PIBF1: variants seen among roughly 807,000 people sequenced by gnomAD.
PIBF1 encodes progesterone immunomodulatory binding factor 1.
In PIBF1, 90 loss-of-function variants were observed where a neutral mutation model predicts 112.5. The ratio of observed to expected loss-of-function variants is 0.80; its 90% CI spans 0.67 to 0.95. The LOEUF (loss-of-function observed/expected upper bound fraction) is 0.95, where lower values mean the gene tolerates loss of function less well. Among genes scored for constraint, PIBF1 ranks in the 40% least tolerant of loss-of-function variants. The pLI, the probability that PIBF1 is intolerant of heterozygous loss-of-function variation, is 0.00. For missense variants in PIBF1, 915 were observed against 852.3 expected (o/e 1.07, Z -0.92); for synonymous variants, 301 against 288.6 (o/e 1.04, Z -0.44).
At chr13:72,812,456 G>C (rs9592870) in intron 5 of PIBF1, among the ~76,000 whole-genome samples, 4,082 of 152,168 alleles carry the variant, frequency 0.027, 73 homozygotes, top group Non-Finnish European at 0.041. Flanking sequence ...AACTGTCCAG[G>C]CACAGTGGCT....
intron 10 of PIBF1, among the ~76,000 whole-genome samples, chr13:72,855,156 A>G (rs2038358925): frequency 6.6e-6 from 1 of 152,138 alleles, no homozygotes; most frequent in African/African-American, 2.4e-5. Flanking sequence ...GGGTCTTTTA[A>G]TTGTTAAATG....
At chr13:72,804,489 G>GGGCTGTCTGTGACATTCCTTCCCATTA (rs2138019935) in intron 5 of PIBF1, among the ~76,000 whole-genome samples, 1 of 152,264 alleles carries the variant, frequency 6.6e-6, no homozygotes, top group South Asian at 2.1e-4. Context: ...CATTCTTCTT[G>GGGCTGTCTGTGACATTCCTTCCCATTA]GGCTGTCTGT....
chr13:72,898,058 A>G (rs1254698166), intron 11 of PIBF1, among the ~76,000 whole-genome samples: 1 of 152,212 alleles, frequency 6.6e-6, no homozygotes, highest in East Asian at 1.9e-4. Flanking sequence ...ACCATCTGAT[A>G]GGCCATAAAA....
intron 10 of PIBF1, among the ~76,000 whole-genome samples, chr13:72,886,483 A>T (rs1473841679): frequency 6.6e-6 from 1 of 150,696 alleles, no homozygotes; most frequent in African/African-American, 2.4e-5. Context: ...GTTTCACTCT[A>T]ATTTTATCTC....
chr13:72,985,371 CAAAAAAAAAAA>C (rs67195605), intron 16 of PIBF1, among the ~76,000 whole-genome samples: 2 of 76,284 alleles, frequency 2.6e-5, no homozygotes, highest in Non-Finnish European at 4.6e-5. Flanking sequence ...ACTAAAAATA[CAAAAAAAAAAA>C]AAAAAAAAAA....
At chr13:72,831,841 G>A (rs377455227) in intron 8 of PIBF1, among the ~76,000 whole-genome samples, 1 of 151,954 alleles carries the variant, frequency 6.6e-6, no homozygotes, top group African/African-American at 2.4e-5. Context: ...TATTGACAGC[G>A]GGGTGTTAAA....
At chr13:72,921,909 C>A (rs999613426) in intron 13 of PIBF1, among the ~76,000 whole-genome samples, 2 of 152,064 alleles carry the variant, frequency 1.3e-5, no homozygotes, top group African/African-American at 4.8e-5. Context: ...TCATTTAAGA[C>A]GATATTGTTT....
intron 13 of PIBF1, among the ~76,000 whole-genome samples, chr13:72,930,100 T>A (rs2041654321): frequency 6.6e-6 from 1 of 152,140 alleles, no homozygotes; most frequent in South Asian, 2.1e-4. Flanking sequence ...CCTCAAGTGA[T>A]CCTCCTGCCT....
intron 13 of PIBF1, among the ~76,000 whole-genome samples, chr13:72,918,783 A>C (rs1351851106): frequency 6.6e-6 from 1 of 150,908 alleles, no homozygotes; most frequent in Non-Finnish European, 1.5e-5. Flanking sequence ...AGCTCACTGC[A>C]ACCTCCACCT....
chr13:72,863,342 T>C (rs1167026705), intron 10 of PIBF1, among the ~76,000 whole-genome samples: 2 of 152,044 alleles, frequency 1.3e-5, no homozygotes, highest in African/African-American at 2.4e-5. Flanking sequence ...AAAAATAAAA[T>C]TTTTTCCACA....
At chr13:72,800,139 G>A (rs1593914270) in intron 5 of PIBF1, among the ~76,000 whole-genome samples, 1 of 152,350 alleles carries the variant, frequency 6.6e-6, no homozygotes, top group East Asian at 1.9e-4. Context: ...GCGTTCAAGT[G>A]ATTCTCGTGC....
At chr13:73,012,990 A>G (rs1258865993) in intron 17 of PIBF1, among the ~76,000 whole-genome samples, 2 of 151,952 alleles carry the variant, frequency 1.3e-5, no homozygotes, top group Non-Finnish European at 2.9e-5. Context: ...TACAAAAGCT[A>G]TAGCATATAT....
chr13:72,958,477 GATCTTAAGAC>G (rs941222028), intron 14 of PIBF1, among the ~76,000 whole-genome samples: 5 of 152,130 alleles, frequency 3.3e-5, no homozygotes, highest in Admixed American at 2.6e-4. Context: ...ATACTTTGTG[GATCTTAAGAC>G]CAAAAGCGGA....
chr13:72,953,540 G>A (rs2042360484), intron 14 of PIBF1, among the ~76,000 whole-genome samples: 1 of 152,184 alleles, frequency 6.6e-6, no homozygotes, highest in South Asian at 2.1e-4. Flanking sequence ...CAGTTCTGAT[G>A]GGGGTAGGAG....
chr13:72,856,111 T>A (rs1289231200), intron 10 of PIBF1, among the ~76,000 whole-genome samples: 2 of 152,200 alleles, frequency 1.3e-5, no homozygotes, highest in Non-Finnish European at 2.9e-5. Context: ...CTGATGTTCA[T>A]CCGAAGGCCA....
intron 16 of PIBF1, among the ~76,000 whole-genome samples, chr13:72,993,779 A>G (rs1320694864): frequency 6.6e-6 from 1 of 151,712 alleles, no homozygotes; most frequent in East Asian, 1.9e-4. Flanking sequence ...GGATGGCATC[A>G]GAGTTTTCAG....
intron 7 of PIBF1, 63 bp from the exon 8 acceptor site, chr13:72,827,670 C>A: frequency 1.0e-6 from 1 of 968,560 alleles, no homozygotes; most frequent in Non-Finnish European, 1.4e-6. Flanking sequence ...GAAATTAATA[C>A]AGTCAAGCTT....
intron 5 of PIBF1, among the ~76,000 whole-genome samples, chr13:72,817,788 A>G (rs2036350421): frequency 1.3e-5 from 2 of 152,194 alleles, no homozygotes; most frequent in Non-Finnish European, 1.5e-5. Context: ...TATAGCTTTA[A>G]CAATGGTTCT....
At chr13:72,864,327 G>C (rs955993084) in intron 10 of PIBF1, among the ~76,000 whole-genome samples, 2 of 152,172 alleles carry the variant, frequency 1.3e-5, no homozygotes, top group African/African-American at 4.8e-5. Context: ...TGAGAGAGTA[G>C]ACTGAATCAA....
Sources: gnomAD v4.1 joint callset for allele counts (sites outside exome capture counted in the v4.1 genomes callset) on GRCh38, gnomAD v4.1.1 for gene constraint, MANE v1.5 for transcripts, NCBI Gene and HGNC (gene_info 2026-07-23, HGNC 2026-07-21) for gene names.